Variants in ZNF276 observed in about 807,000 individuals in gnomAD.
The protein encoded by ZNF276 is zinc finger protein 276.
In ZNF276, 59 loss-of-function variants were observed where a neutral mutation model predicts 63.9. That is an observed-to-expected ratio of 0.92 (90% CI 0.75 to 1.15). ZNF276 has a LOEUF of 1.15. Among genes scored for constraint, ZNF276 ranks in the 50% most tolerant of loss-of-function variants. The probability of loss-of-function intolerance (pLI) is 0.00; values close to 1 mark genes in which losing one functional copy is unlikely to be tolerated. For synonymous variants in ZNF276, 496 were observed against 348.4 expected, an observed-to-expected ratio of 1.42 and a Z score of -4.72; for missense variants, 1,084 against 843.8, an observed-to-expected ratio of 1.28 and a Z score of -3.53.
intron 6 of ZNF276, among the ~76,000 whole-genome samples, chr16:89,730,142 G>A (rs1017726753): frequency 3.9e-5 from 6 of 152,204 alleles, no homozygotes; most frequent in African/African-American, 1.4e-4. Flanking sequence ...AAAGAGAAAC[G>A]GGAGCAGTGG....
In ZNF276 at chr16:89,740,889, A is replaced by G. The variant is rs1244604066; in HGVS notation, c.*2643A>G. Reference sequence around the variant, plus strand: ...TAGCTGTAAATAAAAACGTGCACTTATTATTACATTAAAATTACCTGTGCT... The same window carrying G: ...TAGCTGTAAATAAAAACGTGCACTTGTTATTACATTAAAATTACCTGTGCT... On this transcript the variant is annotated 3_prime_UTR_variant, in exon 11 of 11. Transcript: ENST00000443381. 2 of 1,589,340 alleles carry G rather than the reference A, an allele frequency of 1.3e-6. No homozygotes were observed. The highest frequency in any genetic ancestry group is 1.3e-5 in the African/African-American group (1 of 74,246).
Position 89,738,633 on chromosome 16 carries a change from C to T in ZNF276, c.*387C>T, listed in dbSNP as rs772505725. 15 of 1,613,572 alleles carry T rather than the reference C, an allele frequency of 9.3e-6. No individual in the cohort carries two copies. Among genetic ancestry groups the T allele is most frequent in the South Asian group, 4.4e-5 (4 of 91,064 alleles). On this transcript the variant is annotated 3_prime_UTR_variant, in exon 11 of 11. Coordinates refer to ENST00000443381, the MANE Select transcript of ZNF276 (RefSeq NM_001113525.2). ...AGATGAGGCTCCTGGGACAGGTCAG[C>T]GTCAGGGGCAGCCTGCTGTCTGCTC...
At position 89,737,531 on chromosome 16, in the gene ZNF276, AAAGAC is replaced by A. The variant is rs2061975535; in HGVS notation, c.1475-270_1475-266del. Reference sequence around the variant, plus strand: ...GCGAAACTCCATCTCAAAAAAAAAAAAAGACAAGAATCTGTGGTTAAGGAAATAGC... The same window carrying A: ...GCGAAACTCCATCTCAAAAAAAAAAAAAGAATCTGTGGTTAAGGAAATAGC... On this transcript the variant is annotated intron_variant, in intron 9 of 10. Coordinates refer to ENST00000443381, the MANE Select transcript of ZNF276 (RefSeq NM_001113525.2). The A allele has an allele frequency of 1.9e-5, 9 of 472,978 alleles. No individual in the cohort carries two copies. In the East Asian group the frequency reaches 2.0e-4, roughly 11 times the overall value. The allele number at this position is 472,978 out of a possible 1,614,324, so 29.3% of individuals were successfully genotyped here.
In ZNF276 at chr16:89,739,881, C is replaced by T. The variant is rs2062083551; in HGVS notation, c.*1635C>T. ...TTAATCTGTCCCAACTAAAATGGAG[C>T]TTATAAACTTACTTAGCAAGGAACC... On this transcript the variant is annotated 3_prime_UTR_variant, in exon 11 of 11. Coordinates refer to ENST00000443381, the MANE Select transcript of ZNF276 (RefSeq NM_001113525.2). 1.3e-6 allele frequency: 2 copies of T among 1,559,574 alleles called. No homozygotes were observed. The highest frequency in any genetic ancestry group is 1.2e-5 in the South Asian group (1 of 82,146).
chr16:89,724,033 C>T (rs1470972106), intron 4 of ZNF276, among the ~76,000 whole-genome samples: 4 of 152,226 alleles, frequency 2.6e-5, no homozygotes, highest in African/African-American at 9.6e-5. Flanking sequence ...AAGAATAGGG[C>T]CTTGTCTGTG....
Position 89,723,096 on chromosome 16 carries a change from C to T in ZNF276, c.510-41C>T, listed in dbSNP as rs775893881. ...CCGTACGACGAGCGCTGTGAACCTC[C>T]GCCTGCTTGTCCTGCTCATGGCCAC... On this transcript the variant is annotated intron_variant, in intron 2 of 10. Coordinates refer to ENST00000443381, the MANE Select transcript of ZNF276 (RefSeq NM_001113525.2). 16 of 1,612,714 alleles carry T rather than the reference C, an allele frequency of 9.9e-6. No individual in the cohort carries two copies. In the African/African-American group the frequency reaches 1.2e-4, roughly 12 times the overall value.
chr16:89,722,426 G>A, intron 1 of ZNF276, 105 bp from the exon 2 acceptor site: 1 of 1,351,052 alleles, frequency 7.4e-7, no homozygotes, highest in Non-Finnish European at 1.0e-6. Context: ...TCCGGGAGCC[G>A]CGCGAAGGGC....
rs2151714594 is a variant in ZNF276 at position 89,739,998 on chromosome 16, C to G, written c.*1752C>G. 1.9e-6 allele frequency: 3 copies of G among 1,614,148 alleles called. No homozygotes were observed. The highest frequency in any genetic ancestry group is 2.5e-6 in the Non-Finnish European group (3 of 1,179,968). On this transcript the variant is annotated 3_prime_UTR_variant, in exon 11 of 11. Transcript: ENST00000443381. ...CCTCAGCAGCGTGTTTCTTACCACT[C>G]TCTGTCAACTGAAAGAGTGCCAGCC...
chr16:89,733,693 G>A (rs759049086), intron 8 of ZNF276, 136 bp downstream of exon 8: 1 of 1,035,308 alleles, frequency 9.7e-7, no homozygotes, highest in Non-Finnish European at 1.4e-6. Context: ...ACCTGAAGCA[G>A]TCCTAGCCAG....
At chr16:89,728,969 G>A (rs1360954003) in intron 5 of ZNF276, among the ~76,000 whole-genome samples, 1 of 152,216 alleles carries the variant, frequency 6.6e-6, no homozygotes. Flanking sequence ...ACCCCTTCTG[G>A]GCCGCTGTGG....
upstream of ZNF276, chr16:89,721,435 G>C: frequency 2.2e-6 from 1 of 446,962 alleles, no homozygotes; most frequent in Non-Finnish European, 3.9e-6. Context: ...GTACGAGCGG[G>C]GGCGCTGGCA....
chr16:89,732,893 T>C (rs1291174575), intron 6 of ZNF276: 5 of 277,698 alleles, frequency 1.8e-5, no homozygotes, highest in African/African-American at 4.9e-5. Context: ...CGCTGTACCC[T>C]GCGCCCTCGC....
In ZNF276 at chr16:89,723,542, G is replaced by A. The variant is rs1281430175; in HGVS notation, c.839G>A (p.Gly280Glu). Residue 280 changes from glycine to glutamate, a missense_variant, in exon 4 of 11, where the codon GGG becomes GAG. Coordinates refer to ENST00000443381, the MANE Select transcript of ZNF276 (RefSeq NM_001113525.2). ...RLPQHRGWNP[G>E]DAPQTSQGRG... ...CCCCAGCACCGAGGGTGGAACCCTG[G>A]GGATGCCCCTCAGACCTCCCAGGGT... 6 of 1,612,806 alleles carry A rather than the reference G, an allele frequency of 3.7e-6. No homozygotes were observed. In the East Asian group the frequency reaches 1.1e-4, roughly 30 times the overall value.
rs112177258 is a variant in ZNF276 at position 89,738,293 on chromosome 16, G to A, written c.*47G>A. ...CCTCTAGCAGCCTGGACTCCGCAGT[G>A]GCTGTGTCAGCCTCACCCTTCGTGT... On this transcript the variant is annotated 3_prime_UTR_variant, in exon 11 of 11. Transcript: ENST00000443381. The A allele has an allele frequency of 3.3e-5, 51 of 1,542,538 alleles. 1 individual carries two copies. In the African/African-American group the frequency reaches 3.8e-4, roughly 12 times the overall value.
In ZNF276 at chr16:89,738,054, G is replaced by A. The variant is rs1189976388; in HGVS notation, c.1653G>A (p.Glu551=). Residue 551 remains glutamate (E), a synonymous_variant, in exon 11 of 11, where the codon GAG becomes GAA. Transcript: ENST00000443381. ...TGACCAAACACAAGGCTGAGACTGA[G>A]CTGGACTTTGCCTGTGACCAGTGTG... The part of the protein sequence containing the change: ...YHMTKHKAET[E]LDFACDQCGR... 6.2e-7 allele frequency: 1 copy of A among 1,614,030 alleles called. No individual in the cohort carries two copies. The highest frequency in any genetic ancestry group is 2.2e-5 in the East Asian group (1 of 44,896).
intron 9 of ZNF276, 178 bp from the exon 10 acceptor site, chr16:89,737,628 A>T (rs1190249218): frequency 4.1e-6 from 5 of 1,229,142 alleles, no homozygotes; most frequent in Non-Finnish European, 5.5e-6. Flanking sequence ...GACAGTGTAT[A>T]AAGCAGTTTA....
At chr16:89,731,201 A>G (rs764620923) in intron 6 of ZNF276, among the ~76,000 whole-genome samples, 1 of 152,252 alleles carries the variant, frequency 6.6e-6, no homozygotes, top group Non-Finnish European at 1.5e-5. Flanking sequence ...ACCAGTTATT[A>G]GGGACAGGGA....
In ZNF276 at chr16:89,739,335, G is replaced by C; in HGVS notation, c.*1089G>C. ...ACAAATGGCTACAGACTGCTGGAAA[G>C]GTAGCAGGTGATGCCAAGGGATACT... On this transcript the variant is annotated 3_prime_UTR_variant, in exon 11 of 11. Transcript: ENST00000443381. 6.2e-7 allele frequency: 1 copy of C among 1,611,158 alleles called. No homozygotes were observed. Among genetic ancestry groups the C allele is most frequent in the East Asian group, 2.2e-5 (1 of 44,880 alleles).
At chr16:89,736,815 G>A (rs117570731) in intron 9 of ZNF276, among the ~76,000 whole-genome samples, 1,731 of 63,678 alleles carry the variant, frequency 0.027, 4 homozygotes, top group East Asian at 0.095. Context: ...AAAAAAAAAA[G>A]AATCCCTTGA....
Sources: gnomAD v4.1 joint callset for allele counts (sites outside exome capture counted in the v4.1 genomes callset) on GRCh38, gnomAD v4.1.1 for gene constraint, MANE v1.5 for transcripts, NCBI Gene and HGNC (gene_info 2026-07-23, HGNC 2026-07-21) for gene names.